The following GBE1 variants were observed in gnomAD, a reference collection of about 807,000 sequenced individuals.
GBE1 encodes the protein 1,4-alpha-glucan branching enzyme 1.
GBE1 carries 70 observed loss-of-function variants against 88.8 expected under a neutral mutation model. The observed-to-expected ratio is 0.79, with a 90% CI of 0.65 to 0.96. The LOEUF (loss-of-function observed/expected upper bound fraction) is 0.96, where lower values mean the gene tolerates loss of function less well. Ranked by LOEUF, GBE1 falls within the 40% of genes least tolerant of loss-of-function variation. The pLI is 0.00. For missense variants in GBE1, 872 were observed against 871.0 expected, an observed-to-expected ratio of 1.00 and a Z score of -0.01; for synonymous variants, 284 against 300.1, an observed-to-expected ratio of 0.95 and a Z score of 0.56.
Position 81,629,298 on chromosome 3 carries a change from G to A in GBE1, c.992+13483C>T, listed in dbSNP as rs1441529356. On this transcript the variant is annotated intron_variant, in intron 7 of 15. Coordinates refer to ENST00000429644, the MANE Select transcript of GBE1 (RefSeq NM_000158.4). ...GCGGTGTTTGGTTTTTTGTTCTTGC[G>A]ATAGTTTCCTGAGAATGATGGTTTC... Among the ~76,000 whole-genome samples, 3 of 149,174 alleles carry A rather than the reference G, an allele frequency of 2.0e-5. No homozygotes were observed. The Admixed American group carries it at 2.0e-4, about 10-fold the overall frequency.
At chr3:81,513,243 A>G (rs1256570487) in intron 14 of GBE1, among the ~76,000 whole-genome samples, 1 of 151,742 alleles carries the variant, frequency 6.6e-6, no homozygotes, top group Non-Finnish European at 1.5e-5. Context: ...GGTGGAAAGA[A>G]AAAGAAATCA....
chr3:81,752,157 C>T lies in GBE1; in HGVS notation c.143+9218G>A, dbSNP rs552850739. 1.4e-4 allele frequency among the ~76,000 whole-genome samples: 22 copies of T among 151,976 alleles called. No individual in the cohort carries two copies. In the South Asian group the frequency reaches 4.6e-3, roughly 32 times the overall value. ...TTATGCATCTTATGGCAAAATCAAA[C>T]CCATTGAAAATAACTGCAGCCATCA... is the stretch of plus-strand genomic sequence containing the variant. On this transcript the variant is annotated intron_variant, in intron 1 of 15. Coordinates refer to ENST00000429644, the MANE Select transcript of GBE1 (RefSeq NM_000158.4).
intron 3 of GBE1, among the ~76,000 whole-genome samples, chr3:81,653,238 A>C (rs988335485): frequency 1.3e-5 from 2 of 152,082 alleles, no homozygotes; most frequent in Non-Finnish European, 2.9e-5. Context: ...CTGAGATGGG[A>C]GGATCACTTG....
intron 7 of GBE1, among the ~76,000 whole-genome samples, chr3:81,641,542 T>A (rs1197412008): frequency 6.6e-6 from 1 of 152,084 alleles, no homozygotes; most frequent in East Asian, 1.9e-4. Flanking sequence ...AAACTCTGCC[T>A]CCTTCTATAA....
intron 1 of GBE1, among the ~76,000 whole-genome samples, chr3:81,750,072 A>G (rs1706474985): frequency 1.3e-5 from 2 of 151,990 alleles, no homozygotes; most frequent in African/African-American, 4.8e-5. Flanking sequence ...TATTACTAGT[A>G]AGCACAACTT....
At chr3:81,610,151 A>G (rs768193382) in intron 7 of GBE1, among the ~76,000 whole-genome samples, 10 of 152,174 alleles carry the variant, frequency 6.6e-5, no homozygotes, top group Non-Finnish European at 1.2e-4. Flanking sequence ...ATGATGCTAC[A>G]TGTCTGGCCC....
rs1704505613 is a variant in GBE1, at chr3:81,631,338, G to A, written c.992+11443C>T. Among the ~76,000 whole-genome samples the A allele has an allele frequency of 5.3e-5, 8 of 152,130 alleles. 1 individual carries two copies. In the South Asian group the frequency reaches 1.2e-3, roughly 24 times the overall value. On this transcript the variant is annotated intron_variant, in intron 7 of 15. Coordinates refer to ENST00000429644, the MANE Select transcript of GBE1 (RefSeq NM_000158.4). ...AAGTGGAGGAATGCTTCATTTATTCGACATTGGAGGGAAACAAAGTAGTCC... is the reference window on the plus strand; with the variant it reads ...AAGTGGAGGAATGCTTCATTTATTCAACATTGGAGGGAAACAAAGTAGTCC...
intron 1 of GBE1, among the ~76,000 whole-genome samples, chr3:81,714,720 A>T (rs567805287): frequency 6.6e-6 from 1 of 152,214 alleles, no homozygotes; most frequent in Non-Finnish European, 1.5e-5. Context: ...TATAACAAAT[A>T]GACTGGACGG....
rs186377282 is a variant in GBE1, at chr3:81,733,660, C to T, written c.143+27715G>A. Among the ~76,000 whole-genome samples the T allele has an allele frequency of 1.7e-4, 26 of 152,240 alleles. No individual in the cohort carries two copies. The highest frequency in any genetic ancestry group is 6.0e-4 in the African/African-American group (25 of 41,554). On this transcript the variant is annotated intron_variant, in intron 1 of 15. Coordinates refer to ENST00000429644, the MANE Select transcript of GBE1 (RefSeq NM_000158.4). The surrounding 1 kb of genome is among the most constrained non-coding windows in gnomAD (Gnocchi z 4.0). ...TCTCAATAGTTCCTAACCTGAAATA[C>T]GCCTATTTAAAACTGCCCCTCCACA...
At chr3:81,503,007 G>A (rs892580230) in intron 14 of GBE1, among the ~76,000 whole-genome samples, 16 of 151,984 alleles carry the variant, frequency 1.1e-4, no homozygotes, top group African/African-American at 3.4e-4. Context: ...CTCCTAATAG[G>A]TTCCCAATTT....
chr3:81,737,337 A>T lies in GBE1; in HGVS notation c.143+24038T>A, dbSNP rs868434508. Among the ~76,000 whole-genome samples the T allele has an allele frequency of 2.2e-3, 192 of 87,648 alleles. 3 individuals carry two copies. The highest frequency in any genetic ancestry group is 7.6e-3 in the African/African-American group (162 of 21,310). 57.5% of individuals were successfully genotyped at this position (87,648 alleles called of 152,430 possible). A position where few individuals can be genotyped will look rare whatever the true frequency, so the allele number is the denominator to read the frequency against. ...TATATATATTTATATATATTTTTAT[A>T]TATATTTATATAAATATATATTTAT... On this transcript the variant is annotated intron_variant, in intron 1 of 15. Coordinates refer to ENST00000429644, the MANE Select transcript of GBE1 (RefSeq NM_000158.4).
chr3:81,591,168 A>G lies in GBE1; in HGVS notation c.1109-4T>C. On this transcript the variant is annotated splice_polypyrimidine_tract_variant and splice_region_variant and intron_variant, in intron 8 of 15. Coordinates refer to ENST00000429644, the MANE Select transcript of GBE1 (RefSeq NM_000158.4). ...TAATCACCTGAGAAACCTTGACCTT[A>G]GAAAAAGAAAATCAATACGGATATA... The G allele has an allele frequency of 1.3e-6, 2 of 1,590,744 alleles. No individual in the cohort carries two copies. Among genetic ancestry groups the G allele is most frequent in the African/African-American group, 2.7e-5 (2 of 74,644 alleles).
intron 2 of GBE1, among the ~76,000 whole-genome samples, chr3:81,685,785 T>C (rs530865425): frequency 6.6e-6 from 1 of 152,204 alleles, no homozygotes; most frequent in East Asian, 1.9e-4. Context: ...ATAGGATGAA[T>C]TGATGCACTG....
At chr3:81,496,866 C>G (rs765680951) in intron 15 of GBE1, among the ~76,000 whole-genome samples, 5 of 152,096 alleles carry the variant, frequency 3.3e-5, no homozygotes, top group Non-Finnish European at 5.9e-5. Context: ...TGTATTTAAA[C>G]GAGTAATTCC....
intron 2 of GBE1, among the ~76,000 whole-genome samples, chr3:81,679,789 C>T (rs773284349): frequency 2.6e-5 from 4 of 152,068 alleles, no homozygotes; most frequent in Non-Finnish European, 4.4e-5. Context: ...AAATGAAGTT[C>T]GTCAGGAGGC....
At chr3:81,672,146 A>C (rs1705198757) in intron 2 of GBE1, among the ~76,000 whole-genome samples, 1 of 152,032 alleles carries the variant, frequency 6.6e-6, no homozygotes, top group Admixed American at 6.6e-5. Flanking sequence ...AATATCATCT[A>C]GTCAGCAACG....
chr3:81,538,511 C>A (rs548996899), intron 12 of GBE1, among the ~76,000 whole-genome samples: 1 of 151,836 alleles, frequency 6.6e-6, no homozygotes, highest in Non-Finnish European at 1.5e-5. Flanking sequence ...AGCAGAGAGC[C>A]GACTTTATGA....
At chr3:81,687,205 T>C (rs1367393533) in intron 2 of GBE1, among the ~76,000 whole-genome samples, 1 of 152,188 alleles carries the variant, frequency 6.6e-6, no homozygotes. Context: ...GAAAGAGGTA[T>C]GTCTTTCGTT....
chr3:81,725,214 T>C (rs1706091781), intron 1 of GBE1, among the ~76,000 whole-genome samples: 2 of 152,314 alleles, frequency 1.3e-5, no homozygotes, highest in East Asian at 1.9e-4. Context: ...TTCTATTTTA[T>C]AAACTTTTTA....
Sources: allele counts gnomAD v4.1 joint callset (sites outside exome capture counted in the v4.1 genomes callset), GRCh38; gene constraint gnomAD v4.1.1; non-coding constraint Gnocchi (gnomAD v3.1); transcripts MANE v1.5; gene names NCBI Gene and HGNC (gene_info 2026-07-23, HGNC 2026-07-21).